ATF7IP: variants seen among roughly 807,000 people sequenced by gnomAD.
ATF7IP encodes the protein activating transcription factor 7-interacting protein 1.
A neutral mutation model predicts 106.4 loss-of-function variants in ATF7IP; 23 were observed. That is an observed-to-expected ratio of 0.22 (90% CI 0.16 to 0.31). The LOEUF (loss-of-function observed/expected upper bound fraction) is 0.31, where lower values mean the gene tolerates loss of function less well. ATF7IP is among the 10% of genes least tolerant of loss of function. The pLI is 1.00. For synonymous variants in ATF7IP, 542 were observed against 539.0 expected, an observed-to-expected ratio of 1.01 and a Z score of -0.08; for missense variants, 1,334 against 1,524.3, an observed-to-expected ratio of 0.88 and a Z score of 2.08.
intron 1 of ATF7IP, chr12:14,384,963 T>C (rs889185239): frequency 5.7e-5 from 9 of 158,610 alleles, no homozygotes; most frequent in Non-Finnish European, 9.6e-5. Flanking sequence ...AATTCCCTGA[T>C]GTTTGCTCTG....
intron 1 of ATF7IP, among the ~76,000 whole-genome samples, chr12:14,413,236 G>T (rs1327660908): frequency 6.6e-6 from 1 of 152,140 alleles, no homozygotes; most frequent in Non-Finnish European, 1.5e-5. Context: ...TTCTTAGTTG[G>T]TTGAGTGAAT....
intron 1 of ATF7IP, among the ~76,000 whole-genome samples, chr12:14,395,607 A>G (rs1385066208): frequency 3.3e-5 from 5 of 152,116 alleles, no homozygotes; most frequent in South Asian, 2.1e-4. Flanking sequence ...AGTGACACCA[A>G]CTGGTACACG....
Position 14,498,413 on chromosome 12 carries a change from A to G in ATF7IP, c.*340A>G, listed in dbSNP as rs1945076185. ...ATTTTCATTCTCAAATTTACCTCTT[A>G]AAGTACGAAGTAAGTAGATCAAAGG... On this transcript the variant is annotated 3_prime_UTR_variant, in exon 15 of 15. Coordinates refer to ENST00000261168, the MANE Select transcript of ATF7IP (RefSeq NM_018179.5). 9.6e-6 allele frequency: 2 copies of G among 208,230 alleles called. No individual in the cohort carries two copies. Among genetic ancestry groups the G allele is most frequent in the African/African-American group, 4.6e-5 (2 of 43,468 alleles). The allele number at this position is 208,230 out of a possible 1,614,324, so 12.9% of individuals were successfully genotyped here. A position where few individuals can be genotyped will look rare whatever the true frequency, so the allele number is the denominator to read the frequency against.
At chr12:14,439,804 G>A (rs1443400617) in intron 5 of ATF7IP, among the ~76,000 whole-genome samples, 1 of 152,036 alleles carries the variant, frequency 6.6e-6, no homozygotes, top group Non-Finnish European at 1.5e-5. Flanking sequence ...CTGCATTCCA[G>A]CCTGGGCAAC....
At chr12:14,372,320 T>C (rs1296541511) in intron 1 of ATF7IP, among the ~76,000 whole-genome samples, 1 of 151,958 alleles carries the variant, frequency 6.6e-6, no homozygotes, top group East Asian at 1.9e-4. Flanking sequence ...GAGTGAGTGC[T>C]GGGGAGCACT....
At chr12:14,454,523 C>A (rs962326888) in intron 6 of ATF7IP, among the ~76,000 whole-genome samples, 1 of 152,196 alleles carries the variant, frequency 6.6e-6, no homozygotes, top group Non-Finnish European at 1.5e-5. Flanking sequence ...CTTTCTCTTT[C>A]CTTTCTGATG....
At chr12:14,471,224 A>G (rs1283114950) in intron 10 of ATF7IP, among the ~76,000 whole-genome samples, 1 of 152,194 alleles carries the variant, frequency 6.6e-6, no homozygotes, top group Non-Finnish European at 1.5e-5. Context: ...TAGTGAATGT[A>G]CCATTACACT....
At chr12:14,418,675 G>T (rs960455859) in intron 1 of ATF7IP, among the ~76,000 whole-genome samples, 29 of 152,226 alleles carry the variant, frequency 1.9e-4, no homozygotes, top group Admixed American at 1.2e-3. Context: ...GTACAGATAT[G>T]GCTGAACTAG....
At chr12:14,454,118 A>C (rs1943323320) in intron 6 of ATF7IP, among the ~76,000 whole-genome samples, 1 of 152,174 alleles carries the variant, frequency 6.6e-6, no homozygotes, top group African/African-American at 2.4e-5. Flanking sequence ...ACTCTTGTAC[A>C]CAGGAAGGGC....
chr12:14,494,284 AATATATATAT>A (rs747194414), intron 13 of ATF7IP, among the ~76,000 whole-genome samples: 2,191 of 53,710 alleles, frequency 0.041, 121 homozygotes, highest in African/African-American at 0.075. Flanking sequence ...GAGCTAATAG[AATATATATAT>A]ATATATATAT....
In ATF7IP at chr12:14,496,323, C is replaced by T; in HGVS notation, c.3373C>T (p.Arg1125Ter). 6.2e-7 allele frequency: 1 copy of T among 1,613,264 alleles called. No individual in the cohort carries two copies. Among genetic ancestry groups the T allele is most frequent in the Non-Finnish European group, 8.5e-7 (1 of 1,179,400 alleles). ...STGPQLTVHH[R>*]PPQVHTEPPR... ...AGGACCTCAGCTCACAGTGCATCAC[C>T]GACCACCACAAGTGCATACTGTAAG... is the stretch of plus-strand genomic sequence containing the variant. The change falls in exon 14 of 15, where the codon CGA (arginine) becomes TGA (stop). Residue 1125 changes from arginine to a stop codon, truncating the protein, a stop_gained. Transcript: ENST00000261168. LOFTEE classifies it high-confidence loss of function.
intron 1 of ATF7IP, among the ~76,000 whole-genome samples, chr12:14,379,837 A>G (rs1030483258): frequency 6.6e-6 from 1 of 152,110 alleles, no homozygotes; most frequent in South Asian, 2.1e-4. Flanking sequence ...AGAATTGGTT[A>G]TTAGTCTTTA....
intron 1 of ATF7IP, among the ~76,000 whole-genome samples, chr12:14,367,130 C>G (rs1241524532): frequency 2.0e-5 from 3 of 152,114 alleles, no homozygotes; most frequent in Non-Finnish European, 4.4e-5. Flanking sequence ...ATTTGTGGTT[C>G]ATATATACAA....
intron 5 of ATF7IP, among the ~76,000 whole-genome samples, chr12:14,441,545 A>G (rs1203919673): frequency 7.2e-6 from 1 of 138,880 alleles, no homozygotes; most frequent in Admixed American, 7.6e-5. Flanking sequence ...GCTGGAGTGC[A>G]ATGGTGTGAT....
intron 2 of ATF7IP, among the ~76,000 whole-genome samples, chr12:14,433,746 C>G (rs1942261566): frequency 6.6e-6 from 1 of 151,882 alleles, no homozygotes; most frequent in African/African-American, 2.4e-5. Flanking sequence ...ATACAGTTTA[C>G]AGTGTGAGAT....
At chr12:14,428,968 A>C (rs1941999139) in intron 2 of ATF7IP, among the ~76,000 whole-genome samples, 2 of 152,224 alleles carry the variant, frequency 1.3e-5, no homozygotes, top group Non-Finnish European at 2.9e-5. Flanking sequence ...TAAAGAGGAT[A>C]GCAAAATAAA....
chr12:14,462,775 A>C (rs1218898895), intron 9 of ATF7IP, among the ~76,000 whole-genome samples: 1 of 151,980 alleles, frequency 6.6e-6, no homozygotes, highest in Admixed American at 6.6e-5. Flanking sequence ...ACAATCATTA[A>C]TTGGTATAGC....
chr12:14,377,633 T>G (rs1041096051), intron 1 of ATF7IP, among the ~76,000 whole-genome samples: 1 of 151,536 alleles, frequency 6.6e-6, no homozygotes, highest in African/African-American at 2.4e-5. Context: ...TTTTTTTTTT[T>G]GACAGAGTCT....
chr12:14,393,210 G>A (rs1336414183), intron 1 of ATF7IP, among the ~76,000 whole-genome samples: 5 of 152,074 alleles, frequency 3.3e-5, no homozygotes, highest in African/African-American at 1.2e-4. Flanking sequence ...GATACAGGTA[G>A]GAAGAGAACA....
Sources: gnomAD v4.1 joint callset for allele counts (sites outside exome capture counted in the v4.1 genomes callset) on GRCh38, gnomAD v4.1.1 for gene constraint, MANE v1.5 for transcripts, NCBI Gene and HGNC (gene_info 2026-07-23, HGNC 2026-07-21) for gene names.